Variants in PCGF5 observed in about 807,000 individuals in gnomAD.
The protein encoded by PCGF5 is polycomb group ring finger 5.
In PCGF5, 9 loss-of-function variants were observed where a neutral mutation model predicts 44.3. The observed-to-expected ratio is 0.20, with a 90% confidence interval of 0.12 to 0.35. The LOEUF (loss-of-function observed/expected upper bound fraction) is 0.35, where lower values mean the gene tolerates loss of function less well. PCGF5 is among the 10% of genes least tolerant of loss of function. The pLI is 1.00. For missense variants in PCGF5, 146 were observed against 305.3 expected, an observed-to-expected ratio of 0.48 and a Z score of 3.89; for synonymous variants, 95 against 102.5, an observed-to-expected ratio of 0.93 and a Z score of 0.44.
At position 91,226,289 on chromosome 10, in the gene PCGF5, T is replaced by TAAAAAAA. The variant is rs66465569; in HGVS notation, c.112+3325_112+3331dup. On this transcript the variant is annotated intron_variant, in intron 2 of 9. Coordinates refer to ENST00000336126, the MANE Select transcript of PCGF5 (RefSeq NM_032373.5). Reference sequence around the variant, plus strand: ...GAAAGAGTAATCAAGTTAAGAAATGTAAAAAAAAAAAAAAAAAAAAAAAAA... The same window carrying TAAAAAAA: ...GAAAGAGTAATCAAGTTAAGAAATGTAAAAAAAAAAAAAAAAAAAAAAAAAAAAAAAA... Among the ~76,000 whole-genome samples the TAAAAAAA allele has an allele frequency of 8.0e-5, 6 of 75,142 alleles. 2 individuals carry two copies. The highest frequency in any genetic ancestry group is 1.2e-4 in the Non-Finnish European group (5 of 41,680). 49.3% of individuals were successfully genotyped at this position (75,142 alleles called of 152,430 possible).
In PCGF5 at chr10:91,251,444, A is replaced by G; in HGVS notation, c.474+4A>G. 2.5e-6 allele frequency: 4 copies of G among 1,609,144 alleles called. No individual in the cohort carries two copies. Among genetic ancestry groups the G allele is most frequent in the Non-Finnish European group, 3.4e-6 (4 of 1,176,804 alleles). The stretch of plus-strand genomic sequence containing the variant: ...ATCAGGGGACAATGTAGTAAAGGTG[A>G]GTGAACAAGTACTATGGTATTTTTA... On this transcript the variant is annotated splice_donor_region_variant and intron_variant, in intron 6 of 9. Transcript: ENST00000336126.
intron 2 of PCGF5, among the ~76,000 whole-genome samples, chr10:91,231,222 C>T (rs190915060): frequency 6.6e-6 from 1 of 152,142 alleles, no homozygotes; most frequent in Admixed American, 6.6e-5. Context: ...TATTATAAAT[C>T]ATTACTAAGC....
intron 1 of PCGF5, among the ~76,000 whole-genome samples, chr10:91,208,968 A>G (rs1844399045): frequency 6.6e-6 from 1 of 152,198 alleles, no homozygotes; most frequent in Non-Finnish European, 1.5e-5. Context: ...GCTTTCTGCC[A>G]TTGGTAGGTT....
At chr10:91,178,161 T>C (rs1407390061) in intron 1 of PCGF5, among the ~76,000 whole-genome samples, 2 of 152,102 alleles carry the variant, frequency 1.3e-5, no homozygotes, top group Admixed American at 1.3e-4. Context: ...GGAAAAAACA[T>C]TGGCATAACT....
intron 1 of PCGF5, among the ~76,000 whole-genome samples, chr10:91,180,699 A>G (rs976642711): frequency 1.1e-4 from 17 of 152,078 alleles, no homozygotes; most frequent in African/African-American, 3.9e-4. Context: ...ATTATGTTCC[A>G]TTGGTCTATG....
At chr10:91,268,591 C>CCACCTCATAT (rs1846101104) in intron 8 of PCGF5, among the ~76,000 whole-genome samples, 2 of 152,156 alleles carry the variant, frequency 1.3e-5, no homozygotes, top group African/African-American at 4.8e-5. Context: ...ATACCACTCT[C>CCACCTCATAT]TGCCCCGTGG....
chr10:91,272,921 T>TTAAAG (rs1846215459), intron 9 of PCGF5, among the ~76,000 whole-genome samples: 2 of 152,364 alleles, frequency 1.3e-5, no homozygotes, highest in South Asian at 4.1e-4. Context: ...ACCTCCAGTG[T>TTAAAG]TACAGTTTTG....
intron 1 of PCGF5, among the ~76,000 whole-genome samples, chr10:91,213,651 C>CTTTTTTTTTTTT (rs1844493037): frequency 7.9e-6 from 1 of 126,436 alleles, no homozygotes; most frequent in Admixed American, 8.0e-5. Context: ...TTTTTTTTTT[C>CTTTTTTTTTTTT]TTTTTTGTAT....
intron 3 of PCGF5, 40 bp from the exon 4 acceptor site, chr10:91,248,465 G>A (rs1351804780): frequency 6.6e-7 from 1 of 1,524,562 alleles, no homozygotes; most frequent in African/African-American, 1.4e-5. Flanking sequence ...AGATCTTGGT[G>A]TCTTCATTGT....
At chr10:91,221,173 G>C (rs1220550173) in intron 1 of PCGF5, among the ~76,000 whole-genome samples, 1 of 152,142 alleles carries the variant, frequency 6.6e-6, no homozygotes, top group East Asian at 1.9e-4. Flanking sequence ...GGTCCTGCCG[G>C]AGAACGCAGA....
intron 1 of PCGF5, among the ~76,000 whole-genome samples, chr10:91,172,177 C>T (rs943771316): frequency 5.9e-5 from 9 of 151,966 alleles, no homozygotes; most frequent in African/African-American, 2.2e-4. Context: ...GTAATCCCAG[C>T]ACTTTGGGAG....
At chr10:91,222,587 A>C (rs1043487083) in intron 1 of PCGF5, 102 bp from the exon 2 acceptor site, 14 of 470,368 alleles carry the variant, frequency 3.0e-5, no homozygotes, top group Non-Finnish European at 4.8e-5. Context: ...TATTCACCCA[A>C]TTGGGAACAT....
chr10:91,168,963 G>A (rs544509689), intron 1 of PCGF5, among the ~76,000 whole-genome samples: 3 of 144,312 alleles, frequency 2.1e-5, no homozygotes, highest in African/African-American at 5.2e-5. Flanking sequence ...AAAAAAGAAG[G>A]CTTGATAACA....
chr10:91,240,436 T>C, intron 2 of PCGF5, 48 bp from the exon 3 acceptor site: 1 of 1,216,792 alleles, frequency 8.2e-7, no homozygotes, highest in Non-Finnish European at 1.2e-6. Flanking sequence ...TAACATTAAA[T>C]GAGCGTTCAT....
chr10:91,172,954 A>G (rs574265304), intron 1 of PCGF5, among the ~76,000 whole-genome samples: 1 of 152,320 alleles, frequency 6.6e-6, no homozygotes, highest in South Asian at 2.1e-4. Context: ...TGTTAAAGGA[A>G]CCCTTAATTA....
intron 1 of PCGF5, among the ~76,000 whole-genome samples, chr10:91,178,078 C>A (rs994905847): frequency 6.6e-6 from 1 of 152,162 alleles, no homozygotes. Context: ...ATTTTAATAA[C>A]GATTGGTATA....
At chr10:91,232,916 G>A (rs1017037824) in intron 2 of PCGF5, among the ~76,000 whole-genome samples, 3 of 152,288 alleles carry the variant, frequency 2.0e-5, no homozygotes, top group South Asian at 2.1e-4. Context: ...TTCACTTGAG[G>A]TTCATGGTCA....
chr10:91,268,084 G>C (rs886166232), intron 8 of PCGF5, among the ~76,000 whole-genome samples: 1 of 152,046 alleles, frequency 6.6e-6, no homozygotes, highest in African/African-American at 2.4e-5. Flanking sequence ...CACCATGTCT[G>C]TGCGTATGTG....
chr10:91,228,256 A>C (rs1844901487), intron 2 of PCGF5, among the ~76,000 whole-genome samples: 1 of 152,116 alleles, frequency 6.6e-6, no homozygotes, highest in Non-Finnish European at 1.5e-5. Context: ...AAAACAAAAG[A>C]CTTTTTACTT....
Sources: gnomAD v4.1 joint callset for allele counts (sites outside exome capture counted in the v4.1 genomes callset) on GRCh38, gnomAD v4.1.1 for gene constraint, MANE v1.5 for transcripts, NCBI Gene and HGNC (gene_info 2026-07-23, HGNC 2026-07-21) for gene names.